CAMKMT: variants seen among roughly 807,000 people sequenced by gnomAD.
CAMKMT encodes the protein CaM KMT.
In CAMKMT, 53 loss-of-function variants were observed where a neutral mutation model predicts 48.0. The ratio of observed to expected loss-of-function variants is 1.10; its 90% confidence interval spans 0.89 to 1.39. The LOEUF is 1.39. CAMKMT is among the 40% of genes most tolerant of loss of function. The pLI, the probability that CAMKMT is intolerant of heterozygous loss-of-function variation, is 0.00. For synonymous variants in CAMKMT, 165 were observed against 152.3 expected (o/e 1.08, Z -0.61); for missense variants, 428 against 402.7 (o/e 1.06, Z -0.54).
chr2:44,470,792 A>G lies in CAMKMT; in HGVS notation c.376+80487A>G, dbSNP rs191529497. ...AATACCTTATTGAGTTCTTATTTAC[A>G]TTTATTGATTACTTATGAGATTAAC... On this transcript the variant is annotated intron_variant, in intron 3 of 10. Coordinates refer to ENST00000378494, the MANE Select transcript of CAMKMT (RefSeq NM_024766.5). 3.1e-3 allele frequency among the ~76,000 whole-genome samples: 467 copies of G among 152,212 alleles called. 1 individual carries two copies. Among genetic ancestry groups the G allele is most frequent in the Middle Eastern group, 0.01 (3 of 294 alleles).
rs1672034817 is a variant in CAMKMT at position 44,618,992 on chromosome 2, C to T, written c.377-85291C>T. Among the ~76,000 whole-genome samples, 1 of 152,146 alleles carries T rather than the reference C, an allele frequency of 6.6e-6. No individual in the cohort carries two copies. The highest frequency in any genetic ancestry group is 1.5e-5 in the Non-Finnish European group (1 of 68,024). On this transcript the variant is annotated intron_variant, in intron 3 of 10. Coordinates refer to ENST00000378494, the MANE Select transcript of CAMKMT (RefSeq NM_024766.5). The surrounding 1 kb of genome is among the most constrained non-coding windows in gnomAD (Gnocchi z 4.0). The stretch of plus-strand genomic sequence containing the variant: ...ATCTACTCATAAATAGTTTGGAAAT[C>T]ACTGGGGATTAGGAAGGGCACTATT...
chr2:44,415,544 C>G (rs1218384367), intron 3 of CAMKMT, among the ~76,000 whole-genome samples: 3 of 152,086 alleles, frequency 2.0e-5, no homozygotes, highest in East Asian at 1.9e-4. Flanking sequence ...TTCTTTGAGT[C>G]TTTTTCTTGG....
At chr2:44,390,634 C>A (rs1238856321) in intron 3 of CAMKMT, among the ~76,000 whole-genome samples, 1 of 151,852 alleles carries the variant, frequency 6.6e-6, no homozygotes, top group Non-Finnish European at 1.5e-5. Context: ...TCCATTTTGA[C>A]CTCAGTTAAT....
At chr2:44,488,201 A>T (rs963768576) in intron 3 of CAMKMT, among the ~76,000 whole-genome samples, 22 of 152,178 alleles carry the variant, frequency 1.4e-4, no homozygotes, top group African/African-American at 5.3e-4. Flanking sequence ...ATAATTCAGT[A>T]ATATTTGAGT....
At chr2:44,630,977 G>A (rs559469724) in intron 3 of CAMKMT, among the ~76,000 whole-genome samples, 1 of 152,124 alleles carries the variant, frequency 6.6e-6, no homozygotes, top group Non-Finnish European at 1.5e-5. Flanking sequence ...ATTCACAATA[G>A]CAAAGACTTG....
intron 1 of CAMKMT, among the ~76,000 whole-genome samples, chr2:44,368,455 T>C (rs1678839888): frequency 6.6e-6 from 1 of 152,238 alleles, no homozygotes; most frequent in Non-Finnish European, 1.5e-5. Context: ...AAATGTCTTA[T>C]TTGTTCTAAA....
Position 44,659,302 on chromosome 2 carries a change from C to T in CAMKMT, c.377-44981C>T, listed in dbSNP as rs555904339. Among the ~76,000 whole-genome samples, 67 of 152,000 alleles carry T rather than the reference C, an allele frequency of 4.4e-4. No individual in the cohort carries two copies. The South Asian group carries it at 0.014, about 32-fold the overall frequency. Reference sequence around the variant, plus strand: ...TTAGCCAGGTTTGGTGGCTACATGCCTGTAGGCCCAGCTACTTGGGAGGCT... The same window carrying T: ...TTAGCCAGGTTTGGTGGCTACATGCTTGTAGGCCCAGCTACTTGGGAGGCT... On this transcript the variant is annotated intron_variant, in intron 3 of 10. Transcript: ENST00000378494.
intron 3 of CAMKMT, among the ~76,000 whole-genome samples, chr2:44,544,779 A>T (rs928555815): frequency 6.6e-6 from 1 of 152,180 alleles, no homozygotes; most frequent in African/African-American, 2.4e-5. Context: ...AGGCTATAAG[A>T]TTCTAATATT....
chr2:44,580,935 G>A (rs1669523428), intron 3 of CAMKMT, among the ~76,000 whole-genome samples: 2 of 152,084 alleles, frequency 1.3e-5, no homozygotes, highest in South Asian at 2.1e-4. Flanking sequence ...GCAAATTATC[G>A]GCTGCTTGCC....
intron 10 of CAMKMT, among the ~76,000 whole-genome samples, chr2:44,770,553 T>C (rs1318545712): frequency 6.6e-6 from 1 of 152,186 alleles, no homozygotes; most frequent in African/African-American, 2.4e-5. Context: ...CTTTCCCTTA[T>C]CCCCAATCCC....
chr2:44,598,940 A>G (rs2103849320), intron 3 of CAMKMT, among the ~76,000 whole-genome samples: 1 of 151,984 alleles, frequency 6.6e-6, no homozygotes, highest in Middle Eastern at 3.4e-3. Flanking sequence ...GTGTCGGTAA[A>G]AAGCTGTAAT....
rs529106027 is a variant in CAMKMT, at chr2:44,591,361, C to T, written c.377-112922C>T. Reference sequence around the variant, plus strand: ...ACCTTGGGCAGTATGACCATTTTCACGATATTGATTCTTCCTACCCATGAG... The same window carrying T: ...ACCTTGGGCAGTATGACCATTTTCATGATATTGATTCTTCCTACCCATGAG... On this transcript the variant is annotated intron_variant, in intron 3 of 10. Transcript: ENST00000378494. Among the ~76,000 whole-genome samples, 27 of 152,272 alleles carry T rather than the reference C, an allele frequency of 1.8e-4. No homozygotes were observed. In the South Asian group the frequency reaches 5.4e-3, roughly 30 times the overall value.
chr2:44,447,471 G>C lies in CAMKMT; in HGVS notation c.376+57166G>C, dbSNP rs1010393296. ...TGAATGTATCAGTCATAGTGGGATA[G>C]GTTATGTTGCAATAATAAACAGCCC... On this transcript the variant is annotated intron_variant, in intron 3 of 10. Coordinates refer to ENST00000378494, the MANE Select transcript of CAMKMT (RefSeq NM_024766.5). Among the ~76,000 whole-genome samples the C allele has an allele frequency of 1.1e-4, 16 of 152,168 alleles. 1 individual carries two copies. The highest frequency in any genetic ancestry group is 3.1e-4 in the African/African-American group (13 of 41,428).
At chr2:44,385,814 G>C (rs1191359246) in intron 2 of CAMKMT, among the ~76,000 whole-genome samples, 2 of 152,198 alleles carry the variant, frequency 1.3e-5, no homozygotes, top group South Asian at 4.1e-4. Context: ...CTGCATCCCT[G>C]ATATGAAACC....
chr2:44,519,951 C>T (rs1270372132), intron 3 of CAMKMT, among the ~76,000 whole-genome samples: 6 of 152,008 alleles, frequency 3.9e-5, no homozygotes, highest in African/African-American at 1.4e-4. Flanking sequence ...GTGGCTCATG[C>T]CTGTAATCCC....
intron 3 of CAMKMT, among the ~76,000 whole-genome samples, chr2:44,617,236 C>A (rs564849374): frequency 3.9e-5 from 6 of 152,308 alleles, no homozygotes; most frequent in Non-Finnish European, 7.4e-5. Flanking sequence ...CACATTCTAG[C>A]AGAAACTTTT....
intron 7 of CAMKMT, among the ~76,000 whole-genome samples, chr2:44,733,885 CTT>C (rs1376203153): frequency 6.6e-6 from 1 of 152,024 alleles, no homozygotes; most frequent in Non-Finnish European, 1.5e-5. Context: ...ATATTATCCT[CTT>C]AATATTTATG....
chr2:44,766,235 G>A (rs1680835691), intron 9 of CAMKMT, among the ~76,000 whole-genome samples, 195 bp from the exon 10 acceptor site: 1 of 152,236 alleles, frequency 6.6e-6, no homozygotes. Flanking sequence ...CCATTTGGAT[G>A]TGAAATCGAT....
intron 3 of CAMKMT, among the ~76,000 whole-genome samples, chr2:44,420,992 T>C (rs1683900521): frequency 6.6e-6 from 1 of 152,312 alleles, no homozygotes; most frequent in African/African-American, 2.4e-5. Flanking sequence ...GAAAATTGAT[T>C]CTCAGCTTTG....
Sources: gnomAD v4.1 joint callset for allele counts (sites outside exome capture counted in the v4.1 genomes callset) on GRCh38, gnomAD v4.1.1 for gene constraint, Gnocchi (gnomAD v3.1) non-coding constraint, MANE v1.5 for transcripts, NCBI Gene and HGNC (gene_info 2026-07-23, HGNC 2026-07-21) for gene names.